The following FTO variants were observed in gnomAD, a reference collection of about 807,000 sequenced individuals.
FTO encodes the protein alpha-ketoglutarate-dependent dioxygenase FTO.
A neutral mutation model predicts 63.9 loss-of-function variants in FTO; 47 were observed. That is an observed-to-expected ratio of 0.74 (90% confidence interval 0.58 to 0.94). FTO has a LOEUF of 0.94. FTO is among the 40% of genes least tolerant of loss of function. The pLI, the probability that FTO is intolerant of heterozygous loss-of-function variation, is 0.00. For missense variants in FTO, 562 were observed against 618.1 expected, an observed-to-expected ratio of 0.91 and a Z score of 0.96; for synonymous variants, 207 against 224.4, an observed-to-expected ratio of 0.92 and a Z score of 0.69.
chr16:53,834,808 T>C lies in FTO; in HGVS notation c.751+8317T>C, dbSNP rs2079245208. Among the ~76,000 whole-genome samples the C allele has an allele frequency of 1.3e-5, 2 of 152,204 alleles. 1 individual carries two copies. The highest frequency in any genetic ancestry group is 4.1e-4 in the South Asian group (2 of 4,830). ...TGCTTTTGGTAGTTGATAACATACT[T>C]ACATTGTTTTGAACATTATATATTG... On this transcript the variant is annotated intron_variant, in intron 3 of 8. Transcript: ENST00000471389.
chr16:53,910,214 C>T (rs934814174), intron 7 of FTO, among the ~76,000 whole-genome samples: 3 of 152,068 alleles, frequency 2.0e-5, no homozygotes, highest in Admixed American at 6.5e-5. Context: ...CCAGTACTTC[C>T]GGTACCTAGG....
At chr16:53,707,965 A>C (rs761975499) in intron 1 of FTO, among the ~76,000 whole-genome samples, 1 of 152,224 alleles carries the variant, frequency 6.6e-6, no homozygotes, top group African/African-American at 2.4e-5. Context: ...AGATGGACTC[A>C]TACAATATGT....
intron 8 of FTO, among the ~76,000 whole-genome samples, chr16:54,076,778 C>A (rs2086004037): frequency 6.6e-6 from 1 of 152,108 alleles, no homozygotes; most frequent in South Asian, 2.1e-4. Context: ...TTTGAAAAGG[C>A]ATGAAAGGCC....
At chr16:53,710,968 A>T (rs2075758522) in intron 1 of FTO, among the ~76,000 whole-genome samples, 1 of 152,198 alleles carries the variant, frequency 6.6e-6, no homozygotes, top group Admixed American at 6.5e-5. Context: ...CAAGCAATTT[A>T]ACTTCTCTGA....
At chr16:54,093,822 C>T (rs1016935533) in intron 8 of FTO, among the ~76,000 whole-genome samples, 8 of 152,176 alleles carry the variant, frequency 5.3e-5, no homozygotes, top group Non-Finnish European at 7.4e-5. Context: ...CTACCAGGCA[C>T]GTGGCAAGGA....
chr16:53,872,449 A>T (rs1215497904), intron 4 of FTO, among the ~76,000 whole-genome samples: 3 of 152,192 alleles, frequency 2.0e-5, no homozygotes, highest in African/African-American at 7.2e-5. Flanking sequence ...AAAGAAACAG[A>T]GACTCTGGGT....
At chr16:53,766,316 C>T (rs925749549) in intron 1 of FTO, among the ~76,000 whole-genome samples, 1 of 152,108 alleles carries the variant, frequency 6.6e-6, no homozygotes, top group East Asian at 1.9e-4. Flanking sequence ...GCCTTGACCT[C>T]CCAGGCTTCA....
At chr16:53,920,948 G>T in intron 7 of FTO, among the ~76,000 whole-genome samples, 1 of 152,146 alleles carries the variant, frequency 6.6e-6, no homozygotes, top group East Asian at 1.9e-4. Context: ...TTTGGGTATT[G>T]CTGAAAGAGG....
At chr16:53,709,963 T>C (rs1299702255) in intron 1 of FTO, among the ~76,000 whole-genome samples, 1 of 152,180 alleles carries the variant, frequency 6.6e-6, no homozygotes, top group African/African-American at 2.4e-5. Context: ...CCAAAGTCCA[T>C]ATTCAAATTT....
chr16:53,978,527 C>G (rs2083474861), intron 8 of FTO, among the ~76,000 whole-genome samples: 1 of 152,116 alleles, frequency 6.6e-6, no homozygotes, highest in South Asian at 2.1e-4. Context: ...GTATTTGTAA[C>G]TTTATTATTA....
chr16:53,903,256 G>GTTTT (rs10566001), intron 7 of FTO, among the ~76,000 whole-genome samples: 1 of 142,654 alleles, frequency 7.0e-6, no homozygotes, highest in Non-Finnish European at 1.5e-5. Context: ...GGATATTCTA[G>GTTTT]TTTTTTTTTT....
chr16:54,016,599 A>G (rs955512210), intron 8 of FTO, among the ~76,000 whole-genome samples: 6 of 152,224 alleles, frequency 3.9e-5, no homozygotes, highest in Non-Finnish European at 7.3e-5. Context: ...TTCCCCACAA[A>G]TAGCAGTAAA....
intron 6 of FTO, among the ~76,000 whole-genome samples, chr16:53,881,151 A>AAATAAATAAATAAATAT (rs1449117058): frequency 4.2e-4 from 64 of 150,972 alleles, no homozygotes; most frequent in African/African-American, 1.5e-3. Flanking sequence ...ATAAATAAAT[A>AAATAAATAAATAAATAT]AAAATAAAAT....
At chr16:53,819,344 G>A (rs886707403) in intron 2 of FTO, among the ~76,000 whole-genome samples, 3 of 152,038 alleles carry the variant, frequency 2.0e-5, no homozygotes, top group African/African-American at 7.2e-5. Flanking sequence ...TAATTTTTTT[G>A]TATTGTTAGT....
chr16:53,895,881 T>C (rs1567410083), intron 7 of FTO, among the ~76,000 whole-genome samples: 1 of 152,344 alleles, frequency 6.6e-6, no homozygotes, highest in East Asian at 1.9e-4. Flanking sequence ...GCCATCTCTC[T>C]TAACTCTTAG....
At chr16:53,908,843 G>A (rs557412701) in intron 7 of FTO, among the ~76,000 whole-genome samples, 24 of 152,330 alleles carry the variant, frequency 1.6e-4, no homozygotes, top group African/African-American at 5.8e-4. Flanking sequence ...GGTGAGAAGT[G>A]ATTTGTTGTC....
chr16:53,850,374 T>C (rs1294032374), intron 4 of FTO, among the ~76,000 whole-genome samples: 1 of 152,080 alleles, frequency 6.6e-6, no homozygotes, highest in Non-Finnish European at 1.5e-5. Context: ...GTATCTCTCC[T>C]CCTGAAACTT....
At chr16:53,839,959 C>T (rs1459600159) in intron 3 of FTO, among the ~76,000 whole-genome samples, 1 of 151,950 alleles carries the variant, frequency 6.6e-6, no homozygotes, top group African/African-American at 2.4e-5. Context: ...CACGCACCAC[C>T]ACACCCAGCT....
At chr16:53,741,980 G>A (rs887098356) in intron 1 of FTO, among the ~76,000 whole-genome samples, 1 of 152,110 alleles carries the variant, frequency 6.6e-6, no homozygotes, top group Admixed American at 6.6e-5. Flanking sequence ...TCCTTGCCAC[G>A]TTTCTGTCTC....
Sources: gnomAD v4.1 joint callset for allele counts (sites outside exome capture counted in the v4.1 genomes callset) on GRCh38, gnomAD v4.1.1 for gene constraint, MANE v1.5 for transcripts, NCBI Gene and HGNC (gene_info 2026-07-23, HGNC 2026-07-21) for gene names.